Variants in CSMD1 observed in about 807,000 individuals in gnomAD.
CSMD1 encodes the protein CUB and sushi domain-containing protein 1.
A neutral mutation model predicts 417.5 loss-of-function variants in CSMD1; 213 were observed. The ratio of observed to expected loss-of-function variants is 0.51; its 90% CI spans 0.46 to 0.57. The LOEUF is 0.57. CSMD1 is among the 20% of genes least tolerant of loss of function. The pLI is 0.00. For missense variants in CSMD1, 6,923 were observed against 4,529.7 expected, an observed-to-expected ratio of 1.53 and a Z score of -15.17; for synonymous variants, 2,862 against 1,736.8, an observed-to-expected ratio of 1.65 and a Z score of -16.11.
chr8:4,981,320 T>G (rs144744365), intron 1 of CSMD1, among the ~76,000 whole-genome samples: 87 of 152,358 alleles, frequency 5.7e-4, no homozygotes, highest in African/African-American at 2.0e-3. Context: ...AAGCCCCTAC[T>G]GGAGCAGGAT....
In CSMD1 at chr8:3,156,863, C is replaced by A. The variant is rs758836831; in HGVS notation, c.5914+1034G>T. Among the ~76,000 whole-genome samples, 23 of 150,590 alleles carry A rather than the reference C, an allele frequency of 1.5e-4. No homozygotes were observed. In the South Asian group the frequency reaches 2.3e-3, roughly 15 times the overall value. ...GGACTGTGCCATCTTAAAGATGGGG[C>A]ATTGGAGCTAAGAATCACAGGGGAG... On this transcript the variant is annotated intron_variant, in intron 39 of 69. Coordinates refer to ENST00000635120, the MANE Select transcript of CSMD1 (RefSeq NM_033225.6).
chr8:4,434,168 T>G (rs1193847892), intron 2 of CSMD1, among the ~76,000 whole-genome samples: 1 of 152,104 alleles, frequency 6.6e-6, no homozygotes, highest in Non-Finnish European at 1.5e-5. Context: ...TGAAAACCAG[T>G]CTCTACTAAA....
At chr8:3,269,224 T>C (rs1435562396) in intron 26 of CSMD1, among the ~76,000 whole-genome samples, 3 of 152,244 alleles carry the variant, frequency 2.0e-5, no homozygotes, top group Non-Finnish European at 2.9e-5. Flanking sequence ...TCTTTGGGCC[T>C]ATGCTGTTCA....
intron 33 of CSMD1, among the ~76,000 whole-genome samples, chr8:3,191,191 A>G (rs1585608735): frequency 6.6e-6 from 1 of 152,258 alleles, no homozygotes; most frequent in African/African-American, 2.4e-5. Flanking sequence ...GCAGTGGCGC[A>G]AGCCTGTAAT....
chr8:3,190,314 C>A (rs62502939), intron 33 of CSMD1, among the ~76,000 whole-genome samples, 199 bp from the exon 34 acceptor site: 1 of 100,674 alleles, frequency 9.9e-6, no homozygotes, highest in East Asian at 2.6e-4. Context: ...GTTAATAAAG[C>A]CTCCAACAAT....
At chr8:3,211,682 C>T (rs78405796) in intron 30 of CSMD1, among the ~76,000 whole-genome samples, 14 of 152,234 alleles carry the variant, frequency 9.2e-5, no homozygotes, top group Middle Eastern at 3.4e-3. Context: ...GGAGGTGAGG[C>T]GAGATCTGGT....
At chr8:3,448,522 G>A (rs1353940480) in intron 12 of CSMD1, among the ~76,000 whole-genome samples, 1 of 151,372 alleles carries the variant, frequency 6.6e-6, no homozygotes, top group East Asian at 2.0e-4. Context: ...GAGAGAGGCT[G>A]CTGTGGGTTT....
At position 3,604,216 on chromosome 8, in the gene CSMD1, G is replaced by C. The variant is rs139076142; in HGVS notation, c.1097+12494C>G. On this transcript the variant is annotated intron_variant, in intron 8 of 69. Transcript: ENST00000635120. ...TATATAAACATGAATTATGCTTAGT[G>C]AAATCAAATTGGAAGCATAGACGTG... Among the ~76,000 whole-genome samples, 413 of 152,174 alleles carry C rather than the reference G, an allele frequency of 2.7e-3. 3 individuals are homozygous for C. Among genetic ancestry groups the C allele is most frequent in the African/African-American group, 9.6e-3 (399 of 41,508 alleles).
In CSMD1 at chr8:4,786,693, T is replaced by C. The variant is rs144252391; in HGVS notation, c.86-149135A>G. On this transcript the variant is annotated intron_variant, in intron 1 of 69. Transcript: ENST00000635120. ...TACAAAATTCTGTTCTATCTGGTTT[T>C]CTTCAACATGCAAGAACAATTTGTG... Among the ~76,000 whole-genome samples, 4 of 152,364 alleles carry C rather than the reference T, an allele frequency of 2.6e-5. No individual in the cohort carries two copies. In the East Asian group the frequency reaches 7.7e-4, roughly 29 times the overall value.
chr8:4,707,729 A>G (rs1808031782), intron 1 of CSMD1, among the ~76,000 whole-genome samples: 1 of 151,866 alleles, frequency 6.6e-6, no homozygotes, highest in Admixed American at 6.6e-5. Flanking sequence ...TCTACTAAAA[A>G]TACAAAAATT....
At chr8:3,514,430 G>T (rs989472593) in intron 10 of CSMD1, among the ~76,000 whole-genome samples, 1 of 152,136 alleles carries the variant, frequency 6.6e-6, no homozygotes, top group Non-Finnish European at 1.5e-5. Context: ...TGCAAATGTG[G>T]TGTTATCCCC....
chr8:3,838,893 T>C (rs1468375051), intron 5 of CSMD1, among the ~76,000 whole-genome samples: 1 of 96,770 alleles, frequency 1.0e-5, no homozygotes, highest in Non-Finnish European at 1.9e-5. Context: ...TTATAATATA[T>C]AATAATATAT....
intron 5 of CSMD1, among the ~76,000 whole-genome samples, chr8:3,759,879 A>G (rs1164329838): frequency 2.1e-5 from 3 of 144,176 alleles, no homozygotes; most frequent in African/African-American, 7.7e-5. Flanking sequence ...GTTGCACTCT[A>G]GCCTGGGTGA....
At chr8:4,898,813 C>A (rs115944355) in intron 1 of CSMD1, among the ~76,000 whole-genome samples, 4,293 of 152,122 alleles carry the variant, frequency 0.028, 181 homozygotes, top group African/African-American at 0.093. Context: ...TTTATATTTT[C>A]TATTAATCAA....
chr8:3,863,227 T>G (rs1320577395), intron 5 of CSMD1, among the ~76,000 whole-genome samples: 2 of 151,970 alleles, frequency 1.3e-5, no homozygotes, highest in African/African-American at 4.8e-5. Flanking sequence ...TGAAACCCCA[T>G]CTCTACTGAA....
intron 5 of CSMD1, among the ~76,000 whole-genome samples, chr8:3,759,407 C>G (rs544307434): frequency 1.3e-5 from 2 of 152,108 alleles, no homozygotes; most frequent in East Asian, 1.9e-4. Context: ...TATAAAACAA[C>G]CAGTGACTGA....
chr8:4,865,851 C>A (rs1802395906), intron 1 of CSMD1, among the ~76,000 whole-genome samples: 1 of 151,748 alleles, frequency 6.6e-6, no homozygotes, highest in African/African-American at 2.4e-5. Context: ...CATTTTGGGA[C>A]CTATTTTTTC....
At chr8:3,603,264 T>C (rs1330934206) in intron 8 of CSMD1, among the ~76,000 whole-genome samples, 1 of 152,198 alleles carries the variant, frequency 6.6e-6, no homozygotes, top group Admixed American at 6.5e-5. Context: ...CCATGAATCC[T>C]CCTTCAAAAG....
At chr8:3,921,633 T>G (rs1254233031) in intron 5 of CSMD1, among the ~76,000 whole-genome samples, 4 of 152,168 alleles carry the variant, frequency 2.6e-5, no homozygotes, top group Non-Finnish European at 5.9e-5. Flanking sequence ...CCCTTTTGAT[T>G]TCTTCCTTCC....
Sources: gnomAD v4.1 joint callset for allele counts (sites outside exome capture counted in the v4.1 genomes callset) on GRCh38, gnomAD v4.1.1 for gene constraint, MANE v1.5 for transcripts, NCBI Gene and HGNC (gene_info 2026-07-23, HGNC 2026-07-21) for gene names.